PCM1: variants seen among roughly 807,000 people sequenced by gnomAD.
The protein encoded by PCM1 is pericentriolar material 1 protein.
A neutral mutation model predicts 241.9 loss-of-function variants in PCM1; 157 were observed. The ratio of observed to expected loss-of-function variants is 0.65; its 90% CI spans 0.57 to 0.74. PCM1 has a LOEUF of 0.74. Among genes scored for constraint, PCM1 ranks in the 30% least tolerant of loss-of-function variants. The probability of loss-of-function intolerance (pLI) is 0.00; values close to 1 mark genes in which losing one functional copy is unlikely to be tolerated. For synonymous variants in PCM1, 1,085 were observed against 784.9 expected (o/e 1.38, Z -6.39); for missense variants, 3,478 against 2,360.1 (o/e 1.47, Z -9.81).
Position 17,985,974 on chromosome 8 carries a change from C to A in PCM1, c.4297C>A (p.His1433Asn), listed in dbSNP as rs753067772. 8.3e-6 allele frequency: 13 copies of A among 1,561,310 alleles called. No individual in the cohort carries two copies. The highest frequency in any genetic ancestry group is 1.1e-5 in the Non-Finnish European group (13 of 1,140,064). Residue 1433 changes from histidine to asparagine, a missense_variant, in exon 26 of 39, where the codon CAT becomes AAT. By Grantham distance (68) the His-to-Asn change is moderately conservative. Coordinates refer to ENST00000325083, the MANE Select transcript of PCM1 (RefSeq NM_006197.4). ...TCTTATTTAGGACATAGTATCCAGA[C>A]ATATTTCTGAGAGCCATGAAAAAGG... ...LYALQDIVSR[H>N]ISESHEKGEN...
chr8:17,987,909 A>G (rs982194436), intron 26 of PCM1, among the ~76,000 whole-genome samples: 6 of 151,810 alleles, frequency 4.0e-5, no homozygotes, highest in African/African-American at 1.4e-4. Flanking sequence ...TGTTTTTTGT[A>G]TTGGACAGAT....
rs1247670320 is a variant in PCM1 at position 17,991,662 on chromosome 8, A to T, written c.4652A>T (p.Asp1551Val). 6 of 1,562,160 alleles carry T rather than the reference A, an allele frequency of 3.8e-6. No individual in the cohort carries two copies. The Admixed American group carries it at 9.6e-5, about 25-fold the overall frequency. The change falls in exon 28 of 39, where the codon GAT (aspartate) becomes GTT (valine). Residue 1551 changes from aspartate to valine, a missense_variant. Asp to Val is a radical substitution (Grantham distance 152). Coordinates refer to ENST00000325083, the MANE Select transcript of PCM1 (RefSeq NM_006197.4). ...RCTCRIIEDG[D>V]GAGAGTTVNN... is the part of the protein sequence containing the mutation. Reference sequence around the variant, plus strand: ...ACCTGCAGGATTATTGAGGATGGAGATGGTGCTGGTGCAGGTACTACAGTT... The same window carrying T: ...ACCTGCAGGATTATTGAGGATGGAGTTGGTGCTGGTGCAGGTACTACAGTT...
intron 29 of PCM1, among the ~76,000 whole-genome samples, chr8:17,995,341 G>T (rs957597236): frequency 1.3e-5 from 2 of 151,138 alleles, no homozygotes. Context: ...TTTATTGTAG[G>T]TATGTGGATT....
intron 4 of PCM1, among the ~76,000 whole-genome samples, chr8:17,938,363 C>G (rs2061037789): frequency 6.6e-6 from 1 of 152,104 alleles, no homozygotes; most frequent in Non-Finnish European, 1.5e-5. Flanking sequence ...TATGTTTAGA[C>G]TCCGGTCTCT....
intron 6 of PCM1, among the ~76,000 whole-genome samples, chr8:17,940,914 A>G (rs551840789): frequency 6.6e-6 from 1 of 152,306 alleles, no homozygotes; most frequent in Non-Finnish European, 1.5e-5. Context: ...TTTTGTTTTG[A>G]GAGGATAAGC....
intron 7 of PCM1, among the ~76,000 whole-genome samples, chr8:17,949,437 A>G (rs944702208): frequency 6.6e-6 from 1 of 152,134 alleles, no homozygotes; most frequent in South Asian, 2.1e-4. Context: ...TTCTCAGTGG[A>G]AAAAAGGTAG....
At chr8:18,008,588 A>G (rs2091938696) in intron 30 of PCM1, among the ~76,000 whole-genome samples, 1 of 152,168 alleles carries the variant, frequency 6.6e-6, no homozygotes, top group Admixed American at 6.6e-5. Flanking sequence ...TTATGTGGAC[A>G]GAGTTTAGAG....
chr8:17,952,887 G>T, intron 8 of PCM1, 83 bp from the exon 9 acceptor site: 1 of 813,528 alleles, frequency 1.2e-6, no homozygotes, highest in South Asian at 1.9e-5. Context: ...TCTTTATAAA[G>T]AATATTTATG....
At chr8:17,939,907 C>A in intron 6 of PCM1, 46 bp downstream of exon 6, 3 of 1,216,632 alleles carry the variant, frequency 2.5e-6, no homozygotes, top group South Asian at 1.3e-5. Context: ...TGTAGTATCT[C>A]AGTGTGTATT....
At chr8:17,996,723 A>C (rs1043229686) in intron 29 of PCM1, among the ~76,000 whole-genome samples, 14 of 152,160 alleles carry the variant, frequency 9.2e-5, no homozygotes, top group African/African-American at 3.4e-4. Flanking sequence ...GAGGATTGCA[A>C]ATACTGTCTT....
chr8:17,925,087 G>C (rs1585308283), intron 2 of PCM1: 1 of 152,150 alleles, frequency 6.6e-6, no homozygotes, highest in African/African-American at 2.4e-5. Flanking sequence ...CCTATAACTG[G>C]ATAGCCTCTC....
Position 18,028,478 on chromosome 8 carries a change from A to T in PCM1, c.*816A>T. On this transcript the variant is annotated 3_prime_UTR_variant, in exon 39 of 39. Coordinates refer to ENST00000325083, the MANE Select transcript of PCM1 (RefSeq NM_006197.4). Reference sequence around the variant, plus strand: ...AAAAACTTAACTTTTTCAAGTGGGGATAAATAATACAACTAAATTTCTGTA... The same window carrying T: ...AAAAACTTAACTTTTTCAAGTGGGGTTAAATAATACAACTAAATTTCTGTA... 5.1e-6 allele frequency: 1 copy of T among 195,938 alleles called. No homozygotes were observed. Among genetic ancestry groups the T allele is most frequent in the East Asian group, 8.0e-5 (1 of 12,442 alleles). The allele number at this position is 195,938 out of a possible 1,614,324, so 12.1% of individuals were successfully genotyped here. A position where few individuals can be genotyped will look rare whatever the true frequency, so the allele number is the denominator to read the frequency against.
chr8:17,933,068 G>T (rs1225893636), intron 2 of PCM1, among the ~76,000 whole-genome samples: 1 of 152,134 alleles, frequency 6.6e-6, no homozygotes, highest in Non-Finnish European at 1.5e-5. Flanking sequence ...AGCTCTAAAT[G>T]TATCTTTTTC....
At chr8:17,967,601 C>G (rs139218477) in intron 21 of PCM1, among the ~76,000 whole-genome samples, 86 of 152,338 alleles carry the variant, frequency 5.6e-4, no homozygotes, top group African/African-American at 2.0e-3. Flanking sequence ...AGCCACCGTG[C>G]CCAGCCTACG....
chr8:17,958,990 C>T (rs1406775651), intron 13 of PCM1, among the ~76,000 whole-genome samples: 1 of 152,114 alleles, frequency 6.6e-6, no homozygotes, highest in Non-Finnish European at 1.5e-5. Flanking sequence ...CCAAAGTGCT[C>T]AGATTGCAGG....
At chr8:17,955,308 T>C (rs2067773665) in intron 9 of PCM1, among the ~76,000 whole-genome samples, 162 bp from the exon 10 acceptor site, 1 of 152,218 alleles carries the variant, frequency 6.6e-6, no homozygotes. Context: ...TTGATGTGTT[T>C]AATTGTGGAG....
intron 21 of PCM1, 90 bp downstream of exon 21, chr8:17,967,260 C>A (rs1365673109): frequency 3.6e-6 from 3 of 841,130 alleles, no homozygotes; most frequent in African/African-American, 1.8e-5. Flanking sequence ...TTAACATTTT[C>A]TTTTGGAGTG....
intron 16 of PCM1, chr8:17,962,812 A>T (rs1586964386): frequency 4.7e-6 from 1 of 213,910 alleles, no homozygotes; most frequent in Non-Finnish European, 9.2e-6. Flanking sequence ...CTGAGGCAGG[A>T]TAATCACTTG....
chr8:17,937,078 T>C (rs79130586), intron 3 of PCM1, 56 bp from the exon 4 acceptor site: 31,112 of 1,368,912 alleles, frequency 0.023, 616 homozygotes, highest in African/African-American at 0.076. Context: ...ATTATACCAA[T>C]CTATTTTCCT....
Sources: gnomAD v4.1 joint callset for allele counts (sites outside exome capture counted in the v4.1 genomes callset) on GRCh38, gnomAD v4.1.1 for gene constraint, MANE v1.5 for transcripts, NCBI Gene and HGNC (gene_info 2026-07-23, HGNC 2026-07-21) for gene names.